Variants in RGS22 observed in about 807,000 individuals in gnomAD.
RGS22 encodes regulator of G-protein signaling 22.
A neutral mutation model predicts 172.9 loss-of-function variants in RGS22; 148 were observed. The observed-to-expected ratio is 0.86, with a 90% CI of 0.75 to 0.98. The LOEUF is 0.98. RGS22 is among the 50% of genes least tolerant of loss of function. The pLI is 0.00. For missense variants in RGS22, 1,347 were observed against 1,440.8 expected (o/e 0.93, Z 1.05); for synonymous variants, 458 against 480.2 (o/e 0.95, Z 0.60).
Position 100,040,002 on chromosome 8 carries a change from C to T in RGS22, c.2024G>A (p.Gly675Glu), listed in dbSNP as rs1819933876. 1.2e-6 allele frequency: 2 copies of T among 1,602,426 alleles called. No individual in the cohort carries two copies. The highest frequency in any genetic ancestry group is 1.7e-6 in the Non-Finnish European group (2 of 1,174,440). ...LQSLYVENRA[G>E]FFFTKFCEHS... ...CTCGCAGAATTTAGTAAAGAAGAAT[C>T]CAGCTCTATTTTCTACATACAAAGA... Residue 675 changes from glycine (G) to glutamate (E), a missense_variant, in exon 13 of 28, where the codon GGA becomes GAA. Physicochemically the swap from Gly to Glu is moderately conservative, Grantham distance 98 (BLOSUM62 -2). Coordinates refer to ENST00000360863, the MANE Select transcript of RGS22 (RefSeq NM_015668.5).
intron 4 of RGS22, among the ~76,000 whole-genome samples, chr8:100,077,684 T>C (rs1811453842): frequency 6.6e-6 from 1 of 152,200 alleles, no homozygotes; most frequent in Non-Finnish European, 1.5e-5. Flanking sequence ...GAGAAAAAAA[T>C]GTATACTTTA....
chr8:100,008,820 A>T (rs528825786), intron 14 of RGS22, among the ~76,000 whole-genome samples: 1 of 152,332 alleles, frequency 6.6e-6, no homozygotes, highest in East Asian at 1.9e-4. Flanking sequence ...AAATCTGAGG[A>T]AGCACTAAAT....
chr8:99,975,026 A>T (rs2131158185), intron 23 of RGS22, among the ~76,000 whole-genome samples: 1 of 152,040 alleles, frequency 6.6e-6, no homozygotes, highest in East Asian at 1.9e-4. Flanking sequence ...TGCACCTTTA[A>T]TCCCAGCTAC....
Position 100,072,226 on chromosome 8 carries a change from A to G in RGS22, c.344T>C (p.Leu115Pro), listed in dbSNP as rs1483079815. Residue 115 changes from leucine to proline, a missense_variant, in exon 5 of 28, where the codon CTC (leucine) becomes CCC (proline). Physicochemically the swap from Leu to Pro is moderately conservative, Grantham distance 98. Transcript: ENST00000360863. The stretch of plus-strand genomic sequence containing the variant: ...CCACTTAATACCTTCTTCACGACTG[A>G]GACACTATGAGAAGAAAGAGAAAAA... ...TINVNYNIMC[L>P]SREEGIKWIK... 3 of 1,565,960 alleles carry G rather than the reference A, an allele frequency of 1.9e-6. No individual in the cohort carries two copies. In the African/African-American group the frequency reaches 4.1e-5, roughly 22 times the overall value.
At chr8:100,021,948 T>C (rs1344718194) in intron 14 of RGS22, among the ~76,000 whole-genome samples, 1 of 152,186 alleles carries the variant, frequency 6.6e-6, no homozygotes, top group African/African-American at 2.4e-5. Context: ...TGAGTTCATA[T>C]GCGGCAGAAA....
In RGS22 at chr8:99,978,048, A is replaced by G; in HGVS notation, c.3388T>C (p.Phe1130Leu). Reference protein sequence around the residue: ...QMTIFGVLFKFWPQFCEFRKN... With the variant: ...QMTIFGVLFKLWPQFCEFRKN... ...CTAAACTCACAGAACTGAGGCCAGA[A>G]TTTAAACAGAACCCCAAAAATTGTC... Residue 1130 changes from phenylalanine (F) to leucine (L), a missense_variant, in exon 23 of 28, where the codon TTC becomes CTC. Transcript: ENST00000360863. The G allele has an allele frequency of 1.3e-6, 2 of 1,524,922 alleles. No homozygotes were observed. The highest frequency in any genetic ancestry group is 1.7e-6 in the Non-Finnish European group (2 of 1,148,178). 94.5% of individuals were successfully genotyped at this position (1,524,922 alleles called of 1,614,324 possible). A position where few individuals can be genotyped will look rare whatever the true frequency, so the allele number is the denominator to read the frequency against.
At chr8:100,072,277 T>G in intron 4 of RGS22, 47 bp from the exon 5 acceptor site, 10 of 1,229,820 alleles carry the variant, frequency 8.1e-6, no homozygotes, top group Non-Finnish European at 1.2e-5. Context: ...AGAAAATCAC[T>G]TTTAGGATGA....
chr8:99,978,116 G>A, intron 22 of RGS22, 41 bp from the exon 23 acceptor site: 1 of 1,229,966 alleles, frequency 8.1e-7, no homozygotes, highest in African/African-American at 1.6e-5. Context: ...TTATACAAAG[G>A]TACCAATTTA....
chr8:100,007,935 C>T (rs1004434989), intron 15 of RGS22, among the ~76,000 whole-genome samples: 2 of 151,816 alleles, frequency 1.3e-5, no homozygotes, highest in African/African-American at 4.8e-5. Context: ...CTTAGGGCCA[C>T]GTGAGACCTT....
At chr8:100,067,822 AC>A (rs1810648562) in intron 6 of RGS22, among the ~76,000 whole-genome samples, 1 of 151,620 alleles carries the variant, frequency 6.6e-6, no homozygotes, top group African/African-American at 2.4e-5. Flanking sequence ...ATGGGGTTTC[AC>A]CATGTTGGTC....
chr8:99,971,585 GACAA>G lies in RGS22; in HGVS notation c.3520-6159_3520-6156del, dbSNP rs528121325. Among the ~76,000 whole-genome samples, 580 of 152,158 alleles carry G rather than the reference GACAA, an allele frequency of 3.8e-3. 4 individuals carry two copies. The highest frequency in any genetic ancestry group is 0.013 in the African/African-American group (551 of 41,526). On this transcript the variant is annotated intron_variant, in intron 23 of 27. Coordinates refer to ENST00000360863, the MANE Select transcript of RGS22 (RefSeq NM_015668.5). Reference sequence around the variant, plus strand: ...CAAGCATTCCCATACACCAATAATAGACAAACAGAGAGCCAAATCATGAGTGAAC... The same window carrying G: ...CAAGCATTCCCATACACCAATAATAGACAGAGAGCCAAATCATGAGTGAAC...
chr8:100,093,546 T>A, intron 2 of RGS22, 37 bp from the exon 3 acceptor site: 1 of 1,363,692 alleles, frequency 7.3e-7, no homozygotes, highest in Non-Finnish European at 1.0e-6. Flanking sequence ...GTATTATAAT[T>A]ATACATTTTA....
At chr8:100,013,144 C>T (rs1416549515) in intron 14 of RGS22, among the ~76,000 whole-genome samples, 1 of 152,058 alleles carries the variant, frequency 6.6e-6, no homozygotes, top group Non-Finnish European at 1.5e-5. Context: ...TGTCCACCAC[C>T]ACGCCCAGCT....
chr8:99,982,164 A>G (rs1380563315), intron 21 of RGS22, 48 bp from the exon 22 acceptor site: 1 of 1,373,118 alleles, frequency 7.3e-7, no homozygotes, highest in Non-Finnish European at 1.0e-6. Context: ...GCATTACCAG[A>G]ACACTTAATA....
At chr8:100,068,656 G>T (rs1810717452) in intron 6 of RGS22, among the ~76,000 whole-genome samples, 1 of 152,088 alleles carries the variant, frequency 6.6e-6, no homozygotes, top group South Asian at 2.1e-4. Context: ...ATATGGCCAG[G>T]CATAGTGGCT....
chr8:100,092,009 C>T (rs1399455364), intron 3 of RGS22: 1 of 151,948 alleles, frequency 6.6e-6, no homozygotes, highest in African/African-American at 2.4e-5. Flanking sequence ...AGAGAGAGTA[C>T]AAAATTATTT....
chr8:99,967,198 A>G (rs567303250), intron 23 of RGS22, among the ~76,000 whole-genome samples: 1 of 152,268 alleles, frequency 6.6e-6, no homozygotes, highest in African/African-American at 2.4e-5. Flanking sequence ...CAACCCAGAT[A>G]CTATGCTCTT....
At chr8:100,093,143 G>A (rs779414564) in intron 3 of RGS22, 6 of 214,750 alleles carry the variant, frequency 2.8e-5, no homozygotes, top group Non-Finnish European at 5.5e-5. Flanking sequence ...CAGCGTGGGC[G>A]ACAGAGCAAC....
At chr8:100,087,457 A>G (rs1276117347) in intron 3 of RGS22, among the ~76,000 whole-genome samples, 1 of 152,182 alleles carries the variant, frequency 6.6e-6, no homozygotes, top group African/African-American at 2.4e-5. Flanking sequence ...AAGTGCATGA[A>G]AATATTTTTA....
Sources: allele counts gnomAD v4.1 joint callset (sites outside exome capture counted in the v4.1 genomes callset), GRCh38; gene constraint gnomAD v4.1.1; transcripts MANE v1.5; gene names NCBI Gene and HGNC (gene_info 2026-07-23, HGNC 2026-07-21).